Variants in DNAH2 observed in about 807,000 individuals in gnomAD.
DNAH2 encodes the protein dynein axonemal heavy chain 2, also known as axonemal beta dynein heavy chain 2.
In DNAH2, 323 loss-of-function variants were observed where a neutral mutation model predicts 523.5. The observed-to-expected ratio is 0.62, with a 90% confidence interval of 0.56 to 0.68. The LOEUF is 0.68. Ranked by LOEUF, DNAH2 falls within the 30% of genes least tolerant of loss-of-function variation. The probability of loss-of-function intolerance (pLI) is 0.00; values close to 1 mark genes in which losing one functional copy is unlikely to be tolerated. For synonymous variants in DNAH2, 2,093 were observed against 2,177.4 expected (o/e 0.96, Z 1.08); for missense variants, 4,907 against 5,701.5 (o/e 0.86, Z 4.49).
chr17:7,771,340 TAGG>T lies in DNAH2; in HGVS notation c.4376_4378del (p.Gly1459del), dbSNP rs2076309443. On this transcript the variant is annotated inframe_deletion, in exon 28 of 86. Coordinates refer to ENST00000572933, the MANE Select transcript of DNAH2 (RefSeq NM_020877.5). ...TTTTGGCCCCCTCAGAATATCTTCC[TAGG>T]AGAAGACATCCGCAAGCAGCTGCCC... 1 of 1,613,994 alleles carries T rather than the reference TAGG, an allele frequency of 6.2e-7. No individual in the cohort carries two copies. The highest frequency in any genetic ancestry group is 1.7e-5 in the Admixed American group (1 of 59,992).
Position 7,831,005 on chromosome 17 carries a change from C to T in DNAH2, c.12231-81C>T. The T allele has an allele frequency of 6.6e-7, 1 of 1,514,518 alleles. No individual in the cohort carries two copies. Among genetic ancestry groups the T allele is most frequent in the Middle Eastern group, 1.8e-4 (1 of 5,666 alleles). The allele number at this position is 1,514,518 out of a possible 1,614,324, so 93.8% of individuals were successfully genotyped here. On this transcript the variant is annotated intron_variant, in intron 79 of 85. Transcript: ENST00000572933. This position sits in a 1 kb window ranked among gnomAD's most constrained non-coding sequence, Gnocchi z 4.2. Reference sequence around the variant, plus strand: ...AGGGCAGGGAGCTGGACAAATTGGACATGCATAGGTTTGGGGTCTTGGCCT... The same window carrying T: ...AGGGCAGGGAGCTGGACAAATTGGATATGCATAGGTTTGGGGTCTTGGCCT...
In DNAH2 at chr17:7,793,422, G is replaced by C. The variant is rs1409110557; in HGVS notation, c.7569+217G>C. On this transcript the variant is annotated intron_variant, in intron 48 of 85. Transcript: ENST00000572933. ...TCGTGGGATTCTGAGCATATTGTTT[G>C]CCTGCTTGCTTTTTCTTTCTTTCTT... Among the ~76,000 whole-genome samples the C allele has an allele frequency of 3.3e-5, 5 of 150,510 alleles. No individual in the cohort carries two copies. The East Asian group carries it at 1.0e-3, about 30-fold the overall frequency.
At chr17:7,761,691 G>T (rs1237642126) in intron 18 of DNAH2, among the ~76,000 whole-genome samples, 1 of 151,946 alleles carries the variant, frequency 6.6e-6, no homozygotes, top group Non-Finnish European at 1.5e-5. Flanking sequence ...CACCATGTTG[G>T]CCAGGCTGGT....
At chr17:7,763,530 C>T (rs530666600) in intron 18 of DNAH2, among the ~76,000 whole-genome samples, 21 of 152,352 alleles carry the variant, frequency 1.4e-4, no homozygotes, top group East Asian at 3.9e-4. Context: ...TCACCTGCCT[C>T]GGCCTCCCAA....
Position 7,802,004 on chromosome 17 carries a change from T to G in DNAH2, c.8959T>G (p.Ser2987Ala), listed in dbSNP as rs1441586822. Residue 2987 changes from serine to alanine, a missense_variant, in exon 58 of 86, where the codon TCT (serine) becomes GCT (alanine). By Grantham distance (99) the Ser-to-Ala change is moderately conservative (BLOSUM62 1). This residue lies in a region of DNAH2 where 1,851 missense variants were observed against 2,139.4 expected (regional missense o/e 0.87). Coordinates refer to ENST00000572933, the MANE Select transcript of DNAH2 (RefSeq NM_020877.5). ...ACCCACCAAATACCTGGAACTCCTG[T>G]CTGGATATAAGAAGTATGAAGGGGG... ...VTPTKYLELLSGYKKLLGEKR... is the reference protein window; with the variant it reads ...VTPTKYLELLAGYKKLLGEKR... The G allele has an allele frequency of 6.2e-7, 1 of 1,614,056 alleles. No homozygotes were observed. The highest frequency in any genetic ancestry group is 8.5e-7 in the Non-Finnish European group (1 of 1,179,962).
At position 7,744,218 on chromosome 17, in the gene DNAH2, C is replaced by T. The variant is rs187979485; in HGVS notation, c.1904+1076C>T. Among the ~76,000 whole-genome samples the T allele has an allele frequency of 8.2e-4, 121 of 147,484 alleles. 1 individual carries two copies. The East Asian group carries it at 0.021, about 26-fold the overall frequency. Reference sequence around the variant, plus strand: ...CTGAGGCAGGAAAATCGCTTGAACCCGGGAGGCGGAGGTTGCAGTGAGCCG... The same window carrying T: ...CTGAGGCAGGAAAATCGCTTGAACCTGGGAGGCGGAGGTTGCAGTGAGCCG... On this transcript the variant is annotated intron_variant, in intron 12 of 85. Transcript: ENST00000572933.
chr17:7,780,503 A>AATCCATAG lies in DNAH2; in HGVS notation c.5851-125_5851-118dup, dbSNP rs1183181634. 7.0e-7 allele frequency: 1 copy of AATCCATAG among 1,436,982 alleles called. No homozygotes were observed. Among genetic ancestry groups the AATCCATAG allele is most frequent in the Non-Finnish European group, 9.5e-7 (1 of 1,051,718 alleles). 89.0% of individuals were successfully genotyped at this position (1,436,982 alleles called of 1,614,324 possible). ...GTCATTCACACAATTTCCTCAGGAGAATCCATAGAGTGCCTCCTAGCTGCT... is the reference window on the plus strand; with the variant it reads ...GTCATTCACACAATTTCCTCAGGAGAATCCATAGATCCATAGAGTGCCTCCTAGCTGCT... On this transcript the variant is annotated intron_variant, in intron 37 of 85. Coordinates refer to ENST00000572933, the MANE Select transcript of DNAH2 (RefSeq NM_020877.5). The surrounding 1 kb of genome is among the most constrained non-coding windows in gnomAD (Gnocchi z 4.4).
intron 6 of DNAH2, 33 bp downstream of exon 6, chr17:7,734,326 G>A (rs111491726): frequency 1.1e-5 from 17 of 1,605,180 alleles, no homozygotes; most frequent in Admixed American, 6.8e-5. Context: ...ATCACCTGGC[G>A]ATCACAGGGG....
chr17:7,822,412 C>T lies in DNAH2; in HGVS notation c.11143-1030C>T, dbSNP rs150766428. ...CCCCCTGGCACGTCTCGCCTCAGGG[C>T]CTTTGCGTGGCCATGCCTTCTGCTG... is the stretch of plus-strand genomic sequence containing the variant. On this transcript the variant is annotated intron_variant, in intron 73 of 85. Transcript: ENST00000572933. Among the ~76,000 whole-genome samples, 529 of 152,334 alleles carry T rather than the reference C, an allele frequency of 3.5e-3. 3 individuals are homozygous for T. The highest frequency in any genetic ancestry group is 0.013 in the African/African-American group (520 of 41,554).
rs749678274 is a variant in DNAH2 at position 7,833,702 on chromosome 17, T to A, written c.*169T>A. On this transcript the variant is annotated 3_prime_UTR_variant, in exon 86 of 86. Transcript: ENST00000572933. ...TGTGTTAGCCATAAAAGTGAAAGAG[T>A]TGTATTGGAGCTCAGTGCTGTAAAA... 2 of 934,330 alleles carry A rather than the reference T, an allele frequency of 2.1e-6. No homozygotes were observed. The highest frequency in any genetic ancestry group is 1.6e-5 in the African/African-American group (1 of 61,280). 57.9% of individuals were successfully genotyped at this position (934,330 alleles called of 1,614,324 possible). A position where few individuals can be genotyped will look rare whatever the true frequency, so the allele number is the denominator to read the frequency against.
At chr17:7,755,946 A>T (rs982578571) in intron 12 of DNAH2, among the ~76,000 whole-genome samples, 25 of 151,734 alleles carry the variant, frequency 1.6e-4, no homozygotes, top group African/African-American at 5.8e-4. Context: ...CATTTAATAA[A>T]GAAAAAAAGG....
At chr17:7,720,908 G>A (rs1024519188) in intron 2 of DNAH2, among the ~76,000 whole-genome samples, 2 of 151,984 alleles carry the variant, frequency 1.3e-5, no homozygotes, top group African/African-American at 4.8e-5. Context: ...AGAATCCTCT[G>A]GGGAGGTAAG....
Position 7,764,026 on chromosome 17 carries a change from A to G in DNAH2, c.3174A>G (p.Ala1058=), listed in dbSNP as rs761192774. 1.2e-6 allele frequency: 2 copies of G among 1,614,194 alleles called. No individual in the cohort carries two copies. Reference sequence around the variant, plus strand: ...TGCACACCTACCTGAAGGAGAACGCAGAGAAGTGCGGGCTGGGGCGCCCCA... The same window carrying G: ...TGCACACCTACCTGAAGGAGAACGCGGAGAAGTGCGGGCTGGGGCGCCCCA... ...LELHTYLKEN[A]EKISRPPQTL... is the part of the protein sequence containing the mutation. Residue 1058 remains alanine, a synonymous_variant, in exon 19 of 86, where the codon GCA becomes GCG. Transcript: ENST00000572933.
At chr17:7,770,494 C>CA in intron 25 of DNAH2, 63 bp from the exon 26 acceptor site, 1 of 1,613,338 alleles carries the variant, frequency 6.2e-7, no homozygotes, top group Non-Finnish European at 8.5e-7. Context: ...TGGCGCCTCT[C>CA]AGCTCCTGTT....
intron 8 of DNAH2, among the ~76,000 whole-genome samples, chr17:7,737,685 G>C (rs1377259729): frequency 6.6e-6 from 1 of 152,194 alleles, no homozygotes; most frequent in African/African-American, 2.4e-5. Flanking sequence ...GGGTGAAAAA[G>C]CCAAAGAGTG....
chr17:7,733,020 G>C, intron 4 of DNAH2, 67 bp from the exon 5 acceptor site: 1 of 1,542,148 alleles, frequency 6.5e-7, no homozygotes, highest in Non-Finnish European at 8.9e-7. Flanking sequence ...AACTCAGCCG[G>C]GCTTTTGTGA....
chr17:7,833,630 T>G lies in DNAH2; in HGVS notation c.*97T>G. The G allele has an allele frequency of 6.4e-7, 1 of 1,557,600 alleles. No individual in the cohort carries two copies. Among genetic ancestry groups the G allele is most frequent in the South Asian group, 1.1e-5 (1 of 88,068 alleles). ...GACTGAGGCCGGACCTCACTCAGAC[T>G]TTGACCTTGGCCGAATTTGTGTGAT... On this transcript the variant is annotated 3_prime_UTR_variant, in exon 86 of 86. Coordinates refer to ENST00000572933, the MANE Select transcript of DNAH2 (RefSeq NM_020877.5).
intron 39 of DNAH2, among the ~76,000 whole-genome samples, chr17:7,784,555 TAAAA>T (rs2076685297): frequency 6.6e-6 from 1 of 152,050 alleles, no homozygotes; most frequent in Non-Finnish European, 1.5e-5. Context: ...CTCAATAAAA[TAAAA>T]TAAATAATTG....
At chr17:7,816,785 C>G (rs781745690) in intron 64 of DNAH2, 50 bp downstream of exon 64, 2 of 1,595,350 alleles carry the variant, frequency 1.3e-6, no homozygotes, top group East Asian at 2.2e-5. Context: ...TCGCCACTTC[C>G]GAGAGACCCA....
Sources: allele counts gnomAD v4.1 joint callset (sites outside exome capture counted in the v4.1 genomes callset), GRCh38; gene constraint gnomAD v4.1.1; regional missense constraint gnomAD v4.1.1; non-coding constraint Gnocchi (gnomAD v3.1); transcripts MANE v1.5; gene names NCBI Gene and HGNC (gene_info 2026-07-23, HGNC 2026-07-21).